The following PCDHA7 variants were observed in gnomAD, a reference collection of about 807,000 sequenced individuals.
PCDHA7 encodes the protein protocadherin alpha-7.
PCDHA7 carries 37 observed loss-of-function variants against 57.2 expected under a neutral mutation model. The ratio of observed to expected loss-of-function variants is 0.65; its 90% CI spans 0.50 to 0.85. The LOEUF (loss-of-function observed/expected upper bound fraction) is 0.85, where lower values mean the gene tolerates loss of function less well. PCDHA7 is among the 40% of genes least tolerant of loss of function. PCDHA7 has a pLI of 0.00. For missense variants in PCDHA7, 1,188 were observed against 1,241.8 expected (o/e 0.96, Z 0.65); for synonymous variants, 553 against 558.8 (o/e 0.99, Z 0.15).
Position 140,834,823 on chromosome 5 carries a change from C to T in PCDHA7, c.440C>T (p.Pro147Leu). The change falls in exon 1 of 4, where the codon CCG (proline) becomes CTG (leucine). Residue 147 changes from proline (P) to leucine (L), a missense_variant. By Grantham distance (98) the Pro-to-Leu change is moderately conservative (BLOSUM62 -3). Transcript: ENST00000525929. ...QRNLFIAESRPLDSRFPLEGA... is the reference protein window; with the variant it reads ...QRNLFIAESRLLDSRFPLEGA... ...AATCTGTTCATCGCGGAATCCAGGC[C>T]GCTTGACTCTCGGTTTCCACTAGAG... is the stretch of plus-strand genomic sequence containing the variant. 1 of 1,612,142 alleles carries T rather than the reference C, an allele frequency of 6.2e-7. No individual in the cohort carries two copies. Among genetic ancestry groups the T allele is most frequent in the South Asian group, 1.1e-5 (1 of 90,878 alleles).
chr5:140,912,122 C>A (rs1008861945), intron 1 of PCDHA7, among the ~76,000 whole-genome samples: 1 of 152,194 alleles, frequency 6.6e-6, no homozygotes, highest in Admixed American at 6.5e-5. Context: ...GAGGCTAAGT[C>A]AGTCTAATCT....
At chr5:141,008,751 AG>A (rs1234240078) in intron 3 of PCDHA7, among the ~76,000 whole-genome samples, 11 of 152,244 alleles carry the variant, frequency 7.2e-5, no homozygotes, top group African/African-American at 2.2e-4. Context: ...CACTGAGGGA[AG>A]GAATTTGGCT....
intron 1 of PCDHA7, chr5:140,841,355 T>C: frequency 6.2e-7 from 1 of 1,612,706 alleles, no homozygotes; most frequent in Non-Finnish European, 8.5e-7. Flanking sequence ...GCTGGGATCC[T>C]GGCGACTACT....
chr5:140,857,420 G>T lies in PCDHA7; in HGVS notation c.2355+20682G>T. The T allele has an allele frequency of 6.9e-6, 11 of 1,598,360 alleles. 1 individual carries two copies. Among genetic ancestry groups the T allele is most frequent in the Non-Finnish European group, 8.6e-6 (10 of 1,167,812 alleles). On this transcript the variant is annotated intron_variant, in intron 1 of 3. Coordinates refer to ENST00000525929, the MANE Select transcript of PCDHA7 (RefSeq NM_018910.3). Reference sequence around the variant, plus strand: ...CAACGCGCCTGCGTTCGCGCAGTCCGAGTACACGGTGTTCGTGAAGGAGAA... The same window carrying T: ...CAACGCGCCTGCGTTCGCGCAGTCCTAGTACACGGTGTTCGTGAAGGAGAA...
intron 3 of PCDHA7, among the ~76,000 whole-genome samples, chr5:141,004,025 A>G (rs191768123): frequency 1.3e-5 from 2 of 152,316 alleles, no homozygotes; most frequent in Non-Finnish European, 2.9e-5. Context: ...AAGAAGAAAC[A>G]TTTCCTTGAT....
At chr5:140,851,696 A>G (rs1174127809) in intron 1 of PCDHA7, 1 of 941,376 alleles carries the variant, frequency 1.1e-6, no homozygotes, top group African/African-American at 1.8e-5. Context: ...TGATAAAATG[A>G]TCAGCCATGT....
intron 1 of PCDHA7, chr5:140,928,604 C>T: frequency 6.2e-7 from 1 of 1,614,198 alleles, no homozygotes; most frequent in Non-Finnish European, 8.5e-7. Context: ...GAAATTGTGC[C>T]CCGCTCTGCC....
At chr5:140,984,964 G>A (rs930753325) in intron 3 of PCDHA7, among the ~76,000 whole-genome samples, 1 of 151,936 alleles carries the variant, frequency 6.6e-6, no homozygotes. Context: ...TTGAGACAGA[G>A]TCTCGCTCTG....
At chr5:140,853,004 G>T (rs914027451) in intron 1 of PCDHA7, 1 of 289,800 alleles carries the variant, frequency 3.5e-6, no homozygotes, top group Non-Finnish European at 5.4e-6. Flanking sequence ...TCAGCCTCCC[G>T]AGTAGCTGGG....
At chr5:140,836,793 TCTC>T in intron 1 of PCDHA7, 55 bp downstream of exon 1, 5 of 1,403,902 alleles carry the variant, frequency 3.6e-6, no homozygotes, top group Non-Finnish European at 4.9e-6. Context: ...GTTCAATTGG[TCTC>T]CTTAAATTTT....
intron 1 of PCDHA7, chr5:140,870,890 T>C: frequency 6.2e-7 from 1 of 1,613,954 alleles, no homozygotes; most frequent in Non-Finnish European, 8.5e-7. Flanking sequence ...GTGCGCGCAG[T>C]GGATGCGGAC....
At chr5:140,993,466 A>T (rs1374096077) in intron 3 of PCDHA7, among the ~76,000 whole-genome samples, 2 of 45,548 alleles carry the variant, frequency 4.4e-5, no homozygotes, top group African/African-American at 1.2e-4. Flanking sequence ...TCTTTCTCAC[A>T]CACACACACA....
chr5:140,955,658 AT>A (rs1187332497), intron 1 of PCDHA7, among the ~76,000 whole-genome samples: 1 of 152,156 alleles, frequency 6.6e-6, no homozygotes, highest in African/African-American at 2.4e-5. Flanking sequence ...ACACATATGA[AT>A]TTTAACATAG....
chr5:140,988,024 A>G (rs2153870091), intron 3 of PCDHA7, among the ~76,000 whole-genome samples: 1 of 152,316 alleles, frequency 6.6e-6, no homozygotes, highest in East Asian at 1.9e-4. Flanking sequence ...ATGATTCTTA[A>G]GTTTTTTAGA....
intron 1 of PCDHA7, among the ~76,000 whole-genome samples, chr5:140,919,697 A>G (rs1395748776): frequency 1.3e-5 from 2 of 152,188 alleles, no homozygotes; most frequent in Non-Finnish European, 2.9e-5. Flanking sequence ...GATTTATATT[A>G]ACTTAATTCT....
At chr5:140,874,436 C>T (rs1407636354) in intron 1 of PCDHA7, among the ~76,000 whole-genome samples, 3 of 152,286 alleles carry the variant, frequency 2.0e-5, no homozygotes, top group East Asian at 3.9e-4. Flanking sequence ...GAAGCATGTC[C>T]TAACTACTAA....
intron 1 of PCDHA7, chr5:140,858,585 T>G: frequency 7.4e-7 from 1 of 1,345,266 alleles, no homozygotes. Flanking sequence ...GTAATATAAT[T>G]TATTCCAGGA....
intron 3 of PCDHA7, among the ~76,000 whole-genome samples, chr5:140,982,861 G>A (rs1356683030): frequency 1.3e-5 from 2 of 152,110 alleles, no homozygotes; most frequent in African/African-American, 4.8e-5. Flanking sequence ...CCTTTCAAAT[G>A]CTTAGGTCAT....
chr5:140,903,823 G>A (rs1303323584), intron 1 of PCDHA7, among the ~76,000 whole-genome samples: 1 of 152,048 alleles, frequency 6.6e-6, no homozygotes, highest in Non-Finnish European at 1.5e-5. Flanking sequence ...TCACATGAAT[G>A]TCTGTTGGTA....
Sources: allele counts gnomAD v4.1 joint callset (sites outside exome capture counted in the v4.1 genomes callset), GRCh38; gene constraint gnomAD v4.1.1; transcripts MANE v1.5; gene names NCBI Gene and HGNC (gene_info 2026-07-23, HGNC 2026-07-21).